HAPLN1: variants seen among roughly 807,000 people sequenced by gnomAD.
HAPLN1 encodes hyaluronan and proteoglycan link protein 1.
Under a neutral mutation model 36.5 loss-of-function variants are expected in HAPLN1, and 13 were observed. The ratio of observed to expected loss-of-function variants is 0.36; its 90% confidence interval spans 0.23 to 0.57. The LOEUF is 0.57. HAPLN1 is among the 20% of genes least tolerant of loss of function. The pLI, the probability that HAPLN1 is intolerant of heterozygous loss-of-function variation, is 0.83. For synonymous variants in HAPLN1, 202 were observed against 169.8 expected (o/e 1.19, Z -1.48); for missense variants, 407 against 439.7 (o/e 0.93, Z 0.66).
At chr5:83,679,894 T>A (rs1451813229) in intron 1 of HAPLN1, among the ~76,000 whole-genome samples, 6 of 152,238 alleles carry the variant, frequency 3.9e-5, no homozygotes, top group African/African-American at 1.2e-4. Flanking sequence ...TTGTTATTAT[T>A]ATGATTTAAT....
chr5:83,675,211 T>C (rs1750831967), intron 1 of HAPLN1: 1 of 152,160 alleles, frequency 6.6e-6, no homozygotes. Flanking sequence ...TGAACAAATA[T>C]AAAGGTGGCC....
At chr5:83,692,174 C>T (rs760250177) in intron 1 of HAPLN1, among the ~76,000 whole-genome samples, 4 of 151,646 alleles carry the variant, frequency 2.6e-5, no homozygotes, top group South Asian at 2.1e-4. Context: ...CCAAAACATA[C>T]GTAATTGGAG....
intron 2 of HAPLN1, among the ~76,000 whole-genome samples, chr5:83,672,844 A>G (rs920518670): frequency 6.6e-6 from 1 of 152,216 alleles, no homozygotes; most frequent in Non-Finnish European, 1.5e-5. Context: ...GACTGAGGAA[A>G]TAGCTGCATT....
chr5:83,659,500 G>C (rs576906510), intron 2 of HAPLN1, among the ~76,000 whole-genome samples: 14 of 152,186 alleles, frequency 9.2e-5, no homozygotes, highest in Non-Finnish European at 2.1e-4. Flanking sequence ...GTAGAGGAAG[G>C]CTTGGGAGAT....
chr5:83,680,744 A>G (rs1015665674), intron 1 of HAPLN1, among the ~76,000 whole-genome samples: 2 of 152,194 alleles, frequency 1.3e-5, no homozygotes, highest in African/African-American at 4.8e-5. Context: ...AAAACTAGAC[A>G]ACCAATATGA....
intron 1 of HAPLN1, among the ~76,000 whole-genome samples, chr5:83,692,249 G>T (rs181594558): frequency 6.2e-4 from 94 of 151,916 alleles, no homozygotes; most frequent in Admixed American, 5.3e-3. Context: ...TTTCAAATTT[G>T]ATAAAAATTA....
intron 1 of HAPLN1, among the ~76,000 whole-genome samples, chr5:83,702,601 C>T (rs1234328125): frequency 6.6e-6 from 1 of 152,154 alleles, no homozygotes; most frequent in Non-Finnish European, 1.5e-5. Context: ...ATAGTCAAGC[C>T]AACCCACTGA....
chr5:83,648,394 ACTATAT>A (rs1192840413), intron 3 of HAPLN1, among the ~76,000 whole-genome samples: 2 of 32,774 alleles, frequency 6.1e-5, no homozygotes, highest in Non-Finnish European at 1.2e-4. Context: ...CCTATATTTG[ACTATAT>A]ATATATATAT....
intron 1 of HAPLN1, among the ~76,000 whole-genome samples, chr5:83,706,472 A>T (rs1751654683): frequency 6.6e-6 from 1 of 152,240 alleles, no homozygotes; most frequent in African/African-American, 2.4e-5. Flanking sequence ...AGAACTAAAG[A>T]CAAAACCCAC....
Position 83,652,614 on chromosome 5 carries a change from G to A in HAPLN1, c.311C>T (p.Thr104Ile). 6.2e-7 allele frequency: 1 copy of A among 1,613,974 alleles called. No homozygotes were observed. Among genetic ancestry groups the A allele is most frequent in the South Asian group, 1.1e-5 (1 of 91,076 alleles). ...VFVSMGYHKKTYGGYQGRVFL... is the reference protein window; with the variant it reads ...VFVSMGYHKKIYGGYQGRVFL... ...CACTCTACCCTGGTAGCCTCCATAG[G>A]TTTTTTTGTGGTATCCCATGGAAAC... Residue 104 changes from threonine to isoleucine, a missense_variant, in exon 3 of 5, where the codon ACC becomes ATC. Physicochemically the swap from Thr to Ile is moderately conservative, Grantham distance 89 (BLOSUM62 -1). Transcript: ENST00000274341.
rs954018702 is a variant in HAPLN1 at position 83,715,986 on chromosome 5, C to T, written c.-27+4803G>A. On this transcript the variant is annotated intron_variant, in intron 1 of 4. Coordinates refer to ENST00000274341, the MANE Select transcript of HAPLN1 (RefSeq NM_001884.4). The stretch of plus-strand genomic sequence containing the variant: ...TTTCATAGTGTAAAATGAGGGGGAT[C>T]ACATGGGACTAGCACAGTGCCTGGT... Among the ~76,000 whole-genome samples, 3 of 152,208 alleles carry T rather than the reference C, an allele frequency of 2.0e-5. No homozygotes were observed. In the South Asian group the frequency reaches 6.2e-4, roughly 32 times the overall value.
rs371858014 is a variant in HAPLN1, at chr5:83,668,545, G to A, written c.100+4879C>T. 6.6e-5 allele frequency among the ~76,000 whole-genome samples: 10 copies of A among 152,180 alleles called. No individual in the cohort carries two copies. The East Asian group carries it at 1.7e-3, about 26-fold the overall frequency. Reference sequence around the variant, plus strand: ...ATGATTTAGCTGATGCCAACATTACGGAGTGAAAGCAGTCATCTAGCTAAT... The same window carrying A: ...ATGATTTAGCTGATGCCAACATTACAGAGTGAAAGCAGTCATCTAGCTAAT... On this transcript the variant is annotated intron_variant, in intron 2 of 4. Coordinates refer to ENST00000274341, the MANE Select transcript of HAPLN1 (RefSeq NM_001884.4).
At chr5:83,696,908 T>C (rs1751401711) in intron 1 of HAPLN1, among the ~76,000 whole-genome samples, 1 of 152,192 alleles carries the variant, frequency 6.6e-6, no homozygotes, top group Non-Finnish European at 1.5e-5. Flanking sequence ...AATTTGTATA[T>C]CATAAAATGC....
At chr5:83,672,444 A>C (rs987254288) in intron 2 of HAPLN1, among the ~76,000 whole-genome samples, 1 of 152,234 alleles carries the variant, frequency 6.6e-6, no homozygotes, top group African/African-American at 2.4e-5. Flanking sequence ...GGAAGCAAAC[A>C]AAACTAAAAG....
At chr5:83,695,589 A>AATATATATCTATATAGATATCTATAG (rs1027715088) in intron 1 of HAPLN1, among the ~76,000 whole-genome samples, 105 of 139,214 alleles carry the variant, frequency 7.5e-4, no homozygotes, top group African/African-American at 2.6e-3. Flanking sequence ...TATAGAGATA[A>AATATATATCTATATAGATATCTATAG]ATATATATCT....
chr5:83,668,755 G>A (rs1418363650), intron 2 of HAPLN1, among the ~76,000 whole-genome samples: 1 of 152,184 alleles, frequency 6.6e-6, no homozygotes, highest in Non-Finnish European at 1.5e-5. Flanking sequence ...CTGCTCTATA[G>A]TTGGAGTTAG....
intron 1 of HAPLN1, among the ~76,000 whole-genome samples, chr5:83,710,512 GT>G (rs1751756154): frequency 6.6e-6 from 1 of 152,036 alleles, no homozygotes; most frequent in Non-Finnish European, 1.5e-5. Flanking sequence ...GAGGATGGGG[GT>G]GAGGGGATAG....
chr5:83,701,077 T>G (rs1441291839), intron 1 of HAPLN1, among the ~76,000 whole-genome samples: 1 of 152,226 alleles, frequency 6.6e-6, no homozygotes, highest in Non-Finnish European at 1.5e-5. Context: ...TTTAGTCTTA[T>G]AGTTCCAAGG....
chr5:83,681,520 A>AT (rs11310763), intron 1 of HAPLN1, among the ~76,000 whole-genome samples: 45 of 150,172 alleles, frequency 3.0e-4, no homozygotes, highest in African/African-American at 5.6e-4. Context: ...TAATTAATGA[A>AT]TTTTTTTTTT....
Sources: gnomAD v4.1 joint callset for allele counts (sites outside exome capture counted in the v4.1 genomes callset) on GRCh38, gnomAD v4.1.1 for gene constraint, MANE v1.5 for transcripts, NCBI Gene and HGNC (gene_info 2026-07-23, HGNC 2026-07-21) for gene names.